Variants in ABCA10 observed in about 807,000 individuals in gnomAD.
The protein encoded by ABCA10 is ATP-binding cassette sub-family A member 10.
ABCA10 carries 169 observed loss-of-function variants against 187.5 expected under a neutral mutation model. The observed-to-expected ratio is 0.90, with a 90% CI of 0.80 to 1.02. The LOEUF (loss-of-function observed/expected upper bound fraction) is 1.02. Ranked by LOEUF, ABCA10 falls within the 50% of genes least tolerant of loss-of-function variation. ABCA10 has a pLI of 0.00. For synonymous variants in ABCA10, 574 were observed against 601.8 expected (o/e 0.95, Z 0.68); for missense variants, 1,727 against 1,812.4 (o/e 0.95, Z 0.86).
chr17:69,185,566 C>A lies in ABCA10; in HGVS notation c.2408G>T (p.Cys803Phe), dbSNP rs927658520. The A allele has an allele frequency of 1.2e-6, 2 of 1,612,706 alleles. No homozygotes were observed. Among genetic ancestry groups the A allele is most frequent in the Admixed American group, 1.7e-5 (1 of 60,006 alleles). ...ATACATACTGGGTGAAAACTCCCAA[C>A]AATGAGTTTCACGAGTTACTTTATA... Reference protein sequence around the residue: ...IMYKVTRETHCWEFSPSMYFL... With the variant: ...IMYKVTRETHFWEFSPSMYFL... The change falls in exon 20 of 39, where the codon TGT becomes TTT. Residue 803 changes from cysteine to phenylalanine, a missense_variant. Cys to Phe is a radical substitution (Grantham distance 205). Coordinates refer to ENST00000690296, the MANE Select transcript of ABCA10 (RefSeq NM_001377321.1).
chr17:69,192,963 T>C, intron 15 of ABCA10, 147 bp downstream of exon 15: 5 of 1,159,598 alleles, frequency 4.3e-6, no homozygotes, highest in South Asian at 3.2e-5. Flanking sequence ...ATGTGACCTG[T>C]TGTAGCCAAT....
Position 69,155,814 on chromosome 17 carries a change from G to A in ABCA10, c.3567C>T (p.Asn1189=), listed in dbSNP as rs2074169464. 6.2e-7 allele frequency: 1 copy of A among 1,613,602 alleles called. No homozygotes were observed. The highest frequency in any genetic ancestry group is 2.2e-5 in the East Asian group (1 of 44,832). The change falls in exon 29 of 39, where the codon AAC becomes AAT. Residue 1189 remains asparagine (N), a synonymous_variant. Coordinates refer to ENST00000690296, the MANE Select transcript of ABCA10 (RefSeq NM_001377321.1). ...VQAANALTAP[N]LEEEPVITAS... ...AATCCCTGCTGTTCACCTCCTCCAA[G>A]TTTGGAGCAGTGAGTGCATTTGCTG... is the stretch of plus-strand genomic sequence containing the variant.
At chr17:69,153,439 G>A (rs1444834120) in intron 33 of ABCA10, 32 bp downstream of exon 33, 3 of 1,613,744 alleles carry the variant, frequency 1.9e-6, no homozygotes, top group African/African-American at 1.3e-5. Context: ...CCAGCCATGG[G>A]TGCACAGGGA....
chr17:69,217,303 G>T (rs952841014), intron 6 of ABCA10, among the ~76,000 whole-genome samples: 2 of 151,870 alleles, frequency 1.3e-5, no homozygotes, highest in African/African-American at 4.8e-5. Flanking sequence ...AACTGTGATT[G>T]AATGTCGGAG....
At chr17:69,172,438 G>C (rs960949038) in intron 25 of ABCA10, among the ~76,000 whole-genome samples, 4 of 152,110 alleles carry the variant, frequency 2.6e-5, no homozygotes, top group Non-Finnish European at 5.9e-5. Flanking sequence ...CCAAAGGGAA[G>C]ACCATGAGAA....
At chr17:69,208,941 C>T (rs1598116036) in intron 9 of ABCA10, among the ~76,000 whole-genome samples, 2 of 152,202 alleles carry the variant, frequency 1.3e-5, no homozygotes, top group Admixed American at 1.3e-4. Flanking sequence ...ACAGAGGAGG[C>T]TGAGGTGGGA....
chr17:69,196,089 G>A (rs559820677), intron 11 of ABCA10, among the ~76,000 whole-genome samples: 23 of 152,324 alleles, frequency 1.5e-4, no homozygotes, highest in African/African-American at 1.9e-4. Flanking sequence ...CTCCCAGAGC[G>A]GGTGGCGGCT....
At position 69,215,842 on chromosome 17, in the gene ABCA10, A is replaced by G; in HGVS notation, c.831T>C (p.Pro277=). ...SLGWVLSLLS[P]FAFTAGMAQI... is the part of the protein sequence containing the mutation. ...GGGCCATTCCAGCAGTGAAGGCAAA[A>G]GGGCTAAGAAGACTTAATACCCATC... The change falls in exon 8 of 39, where the codon CCT becomes CCC. Residue 277 remains proline (P), a synonymous_variant. Coordinates refer to ENST00000690296, the MANE Select transcript of ABCA10 (RefSeq NM_001377321.1). The G allele has an allele frequency of 1.9e-6, 3 of 1,590,880 alleles. No individual in the cohort carries two copies. The highest frequency in any genetic ancestry group is 1.4e-5 in the African/African-American group (1 of 73,970).
chr17:69,178,356 A>T (rs2074352929), intron 22 of ABCA10, among the ~76,000 whole-genome samples: 1 of 152,172 alleles, frequency 6.6e-6, no homozygotes, highest in Non-Finnish European at 1.5e-5. Context: ...AATTGTGGAG[A>T]TAGTGACTCT....
chr17:69,194,321 C>T (rs2074482964), intron 12 of ABCA10, 64 bp downstream of exon 12: 5 of 1,358,816 alleles, frequency 3.7e-6, no homozygotes, highest in Admixed American at 1.8e-5. Flanking sequence ...ACATTTTTTA[C>T]ATAATCAAAC....
intron 25 of ABCA10, among the ~76,000 whole-genome samples, chr17:69,171,463 A>G (rs2074296704): frequency 6.6e-6 from 1 of 152,158 alleles, no homozygotes; most frequent in South Asian, 2.1e-4. Flanking sequence ...GGACATGGAA[A>G]ATTTGAATGA....
chr17:69,214,960 ACCTT>A, intron 8 of ABCA10, 109 bp from the exon 9 acceptor site: 1 of 753,420 alleles, frequency 1.3e-6, no homozygotes, highest in Non-Finnish European at 1.9e-6. Context: ...ATATTTTAAT[ACCTT>A]TTCAAATATG....
chr17:69,172,897 A>G (rs1025574902), intron 25 of ABCA10, among the ~76,000 whole-genome samples: 1 of 152,156 alleles, frequency 6.6e-6, no homozygotes, highest in African/African-American at 2.4e-5. Context: ...TTAAAAGTAA[A>G]CACAAGTGGC....
At position 69,215,763 on chromosome 17, in the gene ABCA10, G is replaced by A. The variant is rs572561913; in HGVS notation, c.858+52C>T. 2.3e-5 allele frequency: 32 copies of A among 1,376,060 alleles called. No homozygotes were observed. The East Asian group carries it at 8.1e-4, about 35-fold the overall frequency. 85.2% of individuals were successfully genotyped at this position (1,376,060 alleles called of 1,614,324 possible). ...CATGAGGCACCAAATTCTTGAATAA[G>A]AACATATTTTGAAAATCTAATAATA... On this transcript the variant is annotated intron_variant, in intron 8 of 38. Transcript: ENST00000690296.
chr17:69,195,554 C>CTTTTTTTTTTTTTTTTTTTTTTT (rs59069489), intron 11 of ABCA10, among the ~76,000 whole-genome samples: 2 of 102,952 alleles, frequency 1.9e-5, no homozygotes, highest in Non-Finnish European at 3.6e-5. Flanking sequence ...TGAAGTTTTT[C>CTTTTTTTTTTTTTTTTTTTTTTT]TTTTTTTTTT....
In ABCA10 at chr17:69,150,029, C is replaced by T. The variant is rs779175416; in HGVS notation, c.4432G>A (p.Glu1478Lys). ...GCCCGAGATAGAGGGTGGACATCCT[C>T]CACAGGTAACTTATACGCCATTAAA... Reference protein sequence around the residue: ...SSLMAYKLPVEDVHPLSRAFF... With the variant: ...SSLMAYKLPVKDVHPLSRAFF... Residue 1478 changes from glutamate (E) to lysine (K), a missense_variant, in exon 37 of 39, where the codon GAG becomes AAG. By Grantham distance (56) the Glu-to-Lys change is moderately conservative (BLOSUM62 1). Coordinates refer to ENST00000690296, the MANE Select transcript of ABCA10 (RefSeq NM_001377321.1). The T allele has an allele frequency of 7.4e-6, 12 of 1,613,076 alleles. No homozygotes were observed. Among genetic ancestry groups the T allele is most frequent in the Non-Finnish European group, 1.0e-5 (12 of 1,179,410 alleles).
chr17:69,203,739 T>G (rs2074566977), intron 9 of ABCA10, among the ~76,000 whole-genome samples: 1 of 152,206 alleles, frequency 6.6e-6, no homozygotes, highest in Non-Finnish European at 1.5e-5. Context: ...CACCAGTCGT[T>G]CTAATGCTTT....
At position 69,192,985 on chromosome 17, in the gene ABCA10, G is replaced by A. The variant is rs886695482; in HGVS notation, c.1780+125C>T. 5 of 1,349,814 alleles carry A rather than the reference G, an allele frequency of 3.7e-6. No homozygotes were observed. The African/African-American group carries it at 7.4e-5, about 20-fold the overall frequency. The allele number at this position is 1,349,814 out of a possible 1,614,324, so 83.6% of individuals were successfully genotyped here. On this transcript the variant is annotated intron_variant, in intron 15 of 38. Coordinates refer to ENST00000690296, the MANE Select transcript of ABCA10 (RefSeq NM_001377321.1). The stretch of plus-strand genomic sequence containing the variant: ...CTGTTGTAGCCAATGGCATGTGGAG[G>A]CTTGAAATGGGCTTCTGCAAATAAA...
chr17:69,181,685 C>G (rs1011493037), intron 22 of ABCA10, among the ~76,000 whole-genome samples: 19 of 151,876 alleles, frequency 1.3e-4, no homozygotes, highest in Non-Finnish European at 2.2e-4. Flanking sequence ...CTAAACATAA[C>G]AGTACTTGAA....
Sources: allele counts gnomAD v4.1 joint callset (sites outside exome capture counted in the v4.1 genomes callset), GRCh38; gene constraint gnomAD v4.1.1; transcripts MANE v1.5; gene names NCBI Gene and HGNC (gene_info 2026-07-23, HGNC 2026-07-21).